Variants in HTR1E observed in about 807,000 individuals in gnomAD.
The protein encoded by HTR1E is 5-HT-1E.
A neutral mutation model predicts 3.4 loss-of-function variants in HTR1E; 3 were observed. The ratio of observed to expected loss-of-function variants is 0.89; its 90% CI spans 0.41 to 2.31. The LOEUF (loss-of-function observed/expected upper bound fraction) is 2.31, where lower values mean the gene tolerates loss of function less well. HTR1E is among the 30% of genes most tolerant of loss of function. The probability of loss-of-function intolerance (pLI) is 0.05; values close to 1 mark genes in which losing one functional copy is unlikely to be tolerated. For synonymous variants in HTR1E, 170 were observed against 182.8 expected, an observed-to-expected ratio of 0.93 and a Z score of 0.56; for missense variants, 392 against 467.0, an observed-to-expected ratio of 0.84 and a Z score of 1.48.
At position 86,938,192 on chromosome 6, in the gene HTR1E, C is replaced by T. The variant is rs1024303901; in HGVS notation, c.-186+369C>T. Among the ~76,000 whole-genome samples, 3 of 152,024 alleles carry T rather than the reference C, an allele frequency of 2.0e-5. 1 individual carries two copies. Among genetic ancestry groups the T allele is most frequent in the Admixed American group, 2.0e-4 (3 of 15,262 alleles). On this transcript the variant is annotated intron_variant, in intron 1 of 1. Coordinates refer to ENST00000305344, the MANE Select transcript of HTR1E (RefSeq NM_000865.3). ...GGCCAGGGAAAACTTGAGTAGAAAT[C>T]ACAGGGAGGTGGTGTGCTCCAGGGA... is the stretch of plus-strand genomic sequence containing the variant.
chr6:86,984,790 A>T (rs531912169), intron 1 of HTR1E, among the ~76,000 whole-genome samples: 2 of 152,314 alleles, frequency 1.3e-5, no homozygotes, highest in East Asian at 3.9e-4. Context: ...ATGGAGAAAC[A>T]TCCTGTTTCT....
chr6:86,998,932 T>TG (rs764196235), intron 1 of HTR1E, among the ~76,000 whole-genome samples: 121 of 152,024 alleles, frequency 8.0e-4, no homozygotes, highest in Non-Finnish European at 1.2e-3. Context: ...AATATTGTTT[T>TG]GGGGGGGTTG....
chr6:86,975,129 G>A (rs1767612411), intron 1 of HTR1E, among the ~76,000 whole-genome samples: 1 of 152,158 alleles, frequency 6.6e-6, no homozygotes, highest in Non-Finnish European at 1.5e-5. Flanking sequence ...ATGTATGGAA[G>A]TGCACACATG....
intron 1 of HTR1E, among the ~76,000 whole-genome samples, chr6:86,997,320 A>G (rs1247465447): frequency 1.3e-5 from 2 of 151,914 alleles, no homozygotes; most frequent in Admixed American, 1.3e-4. Context: ...CTAATATTCA[A>G]CATAGTACTG....
intron 1 of HTR1E, among the ~76,000 whole-genome samples, chr6:87,009,640 G>T (rs1449582736): frequency 1.3e-5 from 2 of 148,340 alleles, no homozygotes; most frequent in Admixed American, 1.3e-4. Flanking sequence ...AGGGGCGGCC[G>T]GGCAGAGGCG....
At chr6:86,960,411 T>C (rs749544894) in intron 1 of HTR1E, among the ~76,000 whole-genome samples, 1 of 152,182 alleles carries the variant, frequency 6.6e-6, no homozygotes, top group African/African-American at 2.4e-5. Flanking sequence ...CACTGTTGCA[T>C]TGGGGATTAA....
chr6:86,952,618 G>A (rs575853529), intron 1 of HTR1E, among the ~76,000 whole-genome samples: 5 of 152,028 alleles, frequency 3.3e-5, no homozygotes, highest in Non-Finnish European at 7.4e-5. Context: ...CCTTCCTAAA[G>A]GGGATAATCC....
At chr6:86,938,941 A>C (rs931048364) in intron 1 of HTR1E, among the ~76,000 whole-genome samples, 2 of 152,246 alleles carry the variant, frequency 1.3e-5, no homozygotes, top group Admixed American at 1.3e-4. Flanking sequence ...GCCAGGATGC[A>C]CTTGTGAATC....
At chr6:86,972,392 G>A (rs1767572443) in intron 1 of HTR1E, among the ~76,000 whole-genome samples, 1 of 152,138 alleles carries the variant, frequency 6.6e-6, no homozygotes, top group African/African-American at 2.4e-5. Flanking sequence ...TAAACTGAGT[G>A]AAGTAACCAA....
intron 1 of HTR1E, among the ~76,000 whole-genome samples, chr6:87,004,682 C>T (rs1449904256): frequency 6.6e-6 from 1 of 152,062 alleles, no homozygotes; most frequent in African/African-American, 2.4e-5. Flanking sequence ...AGATCTTGAA[C>T]CCAACAAGGA....
chr6:86,939,365 T>C (rs1447756114), intron 1 of HTR1E, among the ~76,000 whole-genome samples: 1 of 152,198 alleles, frequency 6.6e-6, no homozygotes, highest in African/African-American at 2.4e-5. Context: ...TTTTGCTGCA[T>C]AGAGGTATTT....
At chr6:87,009,750 T>C (rs1370474424) in intron 1 of HTR1E, among the ~76,000 whole-genome samples, 3 of 135,576 alleles carry the variant, frequency 2.2e-5, no homozygotes, top group South Asian at 4.8e-4. Context: ...GCTCCTCACT[T>C]CCCAGTAGGG....
chr6:87,016,167 G>C lies in HTR1E; in HGVS notation c.833G>C (p.Arg278Pro). 6.2e-7 allele frequency: 1 copy of C among 1,614,120 alleles called. No individual in the cohort carries two copies. Among genetic ancestry groups the C allele is most frequent in the Non-Finnish European group, 8.5e-7 (1 of 1,180,032 alleles). ...AATGATCTAGATCACCCAGGAGAACGTCAGCAGATCTCTAGCACCAGGGAA... is the reference window on the plus strand; with the variant it reads ...AATGATCTAGATCACCCAGGAGAACCTCAGCAGATCTCTAGCACCAGGGAA... ...FDNDLDHPGE[R>P]QQISSTRERK... Residue 278 changes from arginine (R) to proline (P), a missense_variant, in exon 2 of 2, where the codon CGT (arginine) becomes CCT (proline). Arg to Pro is a moderately radical substitution (Grantham distance 103). Coordinates refer to ENST00000305344, the MANE Select transcript of HTR1E (RefSeq NM_000865.3).
chr6:86,953,299 A>G (rs1767271428), intron 1 of HTR1E, among the ~76,000 whole-genome samples: 1 of 152,096 alleles, frequency 6.6e-6, no homozygotes, highest in Non-Finnish European at 1.5e-5. Flanking sequence ...ATAAAATGGC[A>G]CTCTTTATTT....
intron 1 of HTR1E, among the ~76,000 whole-genome samples, chr6:86,955,041 G>C (rs1582258887): frequency 1.3e-5 from 2 of 152,182 alleles, no homozygotes; most frequent in South Asian, 2.1e-4. Context: ...CCTGATCCCA[G>C]TTCTTATGAC....
chr6:86,972,174 T>C (rs900158750), intron 1 of HTR1E, among the ~76,000 whole-genome samples: 11 of 152,202 alleles, frequency 7.2e-5, no homozygotes, highest in Admixed American at 2.6e-4. Flanking sequence ...CATGTTTCAA[T>C]TGCCATCTTA....
intron 1 of HTR1E, among the ~76,000 whole-genome samples, chr6:87,011,411 C>A (rs973305639): frequency 6.6e-6 from 1 of 152,170 alleles, no homozygotes; most frequent in Non-Finnish European, 1.5e-5. Context: ...TCCTTCAAAG[C>A]AGTTCAGGAA....
intron 1 of HTR1E, among the ~76,000 whole-genome samples, chr6:86,956,076 G>C (rs1767318454): frequency 6.6e-6 from 1 of 152,110 alleles, no homozygotes; most frequent in Admixed American, 6.6e-5. Flanking sequence ...TGACCAAAGA[G>C]ATTCTTTGTG....
intron 1 of HTR1E, among the ~76,000 whole-genome samples, chr6:86,992,006 A>G (rs1169000672): frequency 6.6e-6 from 1 of 152,032 alleles, no homozygotes; most frequent in East Asian, 1.9e-4. Flanking sequence ...TGCCTTCTAA[A>G]TTACTTCCTT....
Sources: allele counts gnomAD v4.1 joint callset (sites outside exome capture counted in the v4.1 genomes callset), GRCh38; gene constraint gnomAD v4.1.1; transcripts MANE v1.5; gene names NCBI Gene and HGNC (gene_info 2026-07-23, HGNC 2026-07-21).